Variants in STK33 observed in about 807,000 individuals in gnomAD.
STK33 encodes the protein serine/threonine kinase 33, also known as serine/threonine-protein kinase 33.
Under a neutral mutation model 58.0 loss-of-function variants are expected in STK33, and 52 were observed. The ratio of observed to expected loss-of-function variants is 0.90; its 90% CI spans 0.72 to 1.13. STK33 has a LOEUF of 1.13. Among genes scored for constraint, STK33 ranks in the 50% most tolerant of loss-of-function variants. The pLI is 0.00. For synonymous variants in STK33, 215 were observed against 200.1 expected (o/e 1.07, Z -0.63); for missense variants, 630 against 604.2 (o/e 1.04, Z -0.45).
chr11:8,523,756 C>T (rs1320640878), intron 1 of STK33, among the ~76,000 whole-genome samples: 1 of 148,262 alleles, frequency 6.7e-6, no homozygotes, highest in Non-Finnish European at 1.5e-5. Context: ...GCGCCTCTGC[C>T]CGGCCGCCGC....
At chr11:8,578,852 T>C (rs1487759711) in intron 1 of STK33, among the ~76,000 whole-genome samples, 1 of 152,070 alleles carries the variant, frequency 6.6e-6, no homozygotes, top group Non-Finnish European at 1.5e-5. Flanking sequence ...AAGTCCCCAT[T>C]CTTCCATTAA....
chr11:8,509,929 C>T (rs1228882668), intron 1 of STK33, among the ~76,000 whole-genome samples: 1 of 152,130 alleles, frequency 6.6e-6, no homozygotes, highest in East Asian at 1.9e-4. Flanking sequence ...AGGTTGGTTC[C>T]ATATTTTTGC....
intron 15 of STK33, among the ~76,000 whole-genome samples, chr11:8,401,949 TAA>T (rs1564860553): frequency 1.3e-5 from 2 of 151,334 alleles, no homozygotes. Flanking sequence ...TGGCGATCAT[TAA>T]AAAGTCAGGA....
downstream of STK33, among the ~76,000 whole-genome samples, chr11:8,390,273 G>A (rs1235522847): frequency 6.6e-6 from 1 of 152,166 alleles, no homozygotes; most frequent in Non-Finnish European, 1.5e-5. Flanking sequence ...CACCTGCGCT[G>A]TGCTGTCCTA....
At chr11:8,499,309 A>G (rs958253066) in intron 1 of STK33, among the ~76,000 whole-genome samples, 1 of 152,250 alleles carries the variant, frequency 6.6e-6, no homozygotes, top group African/African-American at 2.4e-5. Flanking sequence ...TGCAGCCAAC[A>G]AACATGAAAA....
At chr11:8,457,118 CA>C (rs1239428774) in intron 9 of STK33, among the ~76,000 whole-genome samples, 28 of 152,256 alleles carry the variant, frequency 1.8e-4, no homozygotes, top group African/African-American at 6.3e-4. Context: ...AGCTTCTCTT[CA>C]AACTGTTGAA....
At chr11:8,412,640 A>G (rs1267569509) in intron 15 of STK33, among the ~76,000 whole-genome samples, 1 of 152,228 alleles carries the variant, frequency 6.6e-6, no homozygotes, top group African/African-American at 2.4e-5. Flanking sequence ...TTCTAGAATC[A>G]GAAACCAGTG....
intron 3 of STK33, 101 bp from the exon 4 acceptor site, chr11:8,476,852 G>A (rs10840058): frequency 6.6e-6 from 1 of 151,988 alleles, no homozygotes; most frequent in East Asian, 1.9e-4. Flanking sequence ...TCTGACCATA[G>A]TAGTATTCCC....
the STK33 span, among the ~76,000 whole-genome samples, chr11:8,374,612 C>T: frequency 6.6e-6 from 1 of 152,296 alleles, no homozygotes; most frequent in African/African-American, 2.4e-5. Context: ...TGGCTCCAGG[C>T]CCCAAACTTG....
intron 1 of STK33, among the ~76,000 whole-genome samples, chr11:8,501,625 T>A (rs2166470): frequency 0.26 from 39,678 of 151,960 alleles, 5,332 homozygotes; most frequent in African/African-American, 0.32. Context: ...TAGCCAGAAA[T>A]CAGTTCGGGA....
intron 1 of STK33, among the ~76,000 whole-genome samples, chr11:8,587,296 C>T (rs1263706852): frequency 6.6e-6 from 1 of 152,070 alleles, no homozygotes; most frequent in African/African-American, 2.4e-5. Context: ...TGAAGGGCTA[C>T]ATATTTGTTA....
At chr11:8,546,809 C>T (rs1955955177) in intron 1 of STK33, among the ~76,000 whole-genome samples, 1 of 151,544 alleles carries the variant, frequency 6.6e-6, no homozygotes, top group African/African-American at 2.4e-5. Flanking sequence ...GTATATTTAC[C>T]ACATTTTCTT....
chr11:8,504,061 T>A (rs1475082208), intron 1 of STK33, among the ~76,000 whole-genome samples: 1 of 152,170 alleles, frequency 6.6e-6, no homozygotes. Context: ...AAATAGTCAT[T>A]TGTTTGCTCT....
chr11:8,371,445 C>T, the STK33 span, among the ~76,000 whole-genome samples: 2 of 152,278 alleles, frequency 1.3e-5, no homozygotes, highest in South Asian at 4.1e-4. Flanking sequence ...TCTGCAAATA[C>T]CTTGATTTGG....
chr11:8,522,418 G>C (rs901654837), intron 1 of STK33, among the ~76,000 whole-genome samples: 3 of 149,934 alleles, frequency 2.0e-5, no homozygotes, highest in African/African-American at 7.4e-5. Flanking sequence ...GGTGGAAACT[G>C]AACAATGAGA....
intron 1 of STK33, among the ~76,000 whole-genome samples, chr11:8,506,072 A>C (rs2139283922): frequency 6.6e-6 from 1 of 152,342 alleles, no homozygotes; most frequent in South Asian, 2.1e-4. Flanking sequence ...CTTCCAGAGA[A>C]GGGGAGCTTA....
chr11:8,353,104 G>A, the STK33 span, among the ~76,000 whole-genome samples: 1 of 152,200 alleles, frequency 6.6e-6, no homozygotes, highest in Non-Finnish European at 1.5e-5. Context: ...AGGTGGGCCT[G>A]GAGGACACAG....
chr11:8,556,402 C>A (rs1956747421), intron 1 of STK33, among the ~76,000 whole-genome samples: 1 of 152,162 alleles, frequency 6.6e-6, no homozygotes, highest in Non-Finnish European at 1.5e-5. Flanking sequence ...TTATATGCAT[C>A]TTTTCAGTAA....
At chr11:8,433,248 C>T (rs1032435616) in intron 14 of STK33, among the ~76,000 whole-genome samples, 1 of 134,526 alleles carries the variant, frequency 7.4e-6, no homozygotes, top group Non-Finnish European at 1.7e-5. Context: ...TATTTTTAGC[C>T]CTTAAAGAAA....
Sources: gnomAD v4.1 joint callset for allele counts (sites outside exome capture counted in the v4.1 genomes callset) on GRCh38, gnomAD v4.1.1 for gene constraint, MANE v1.5 for transcripts, NCBI Gene and HGNC (gene_info 2026-07-23, HGNC 2026-07-21) for gene names.